CTNNA3: variants seen among roughly 807,000 people sequenced by gnomAD.
CTNNA3 encodes the protein catenin alpha 3.
Under a neutral mutation model 95.7 loss-of-function variants are expected in CTNNA3, and 76 were observed. The ratio of observed to expected loss-of-function variants is 0.79; its 90% confidence interval spans 0.66 to 0.96. The LOEUF (loss-of-function observed/expected upper bound fraction) is 0.96, where lower values mean the gene tolerates loss of function less well. Ranked by LOEUF, CTNNA3 falls within the 40% of genes least tolerant of loss-of-function variation. The pLI is 0.00. For synonymous variants in CTNNA3, 431 were observed against 374.4 expected (o/e 1.15, Z -1.74); for missense variants, 1,191 against 1,089.8 (o/e 1.09, Z -1.31).
intron 17 of CTNNA3, among the ~76,000 whole-genome samples, chr10:65,932,173 TC>T (rs1273552676): frequency 6.6e-6 from 1 of 152,150 alleles, no homozygotes; most frequent in Non-Finnish European, 1.5e-5. Flanking sequence ...TGTTTTCTCC[TC>T]TGTTAAATGG....
chr10:67,591,075 G>C (rs1433583137), intron 3 of CTNNA3, among the ~76,000 whole-genome samples: 2 of 151,986 alleles, frequency 1.3e-5, no homozygotes, highest in Non-Finnish European at 2.9e-5. Context: ...TTTGTCTATA[G>C]TTATGAGAAG....
chr10:67,307,487 G>T (rs1354060812), intron 5 of CTNNA3, among the ~76,000 whole-genome samples: 1 of 152,124 alleles, frequency 6.6e-6, no homozygotes, highest in Non-Finnish European at 1.5e-5. Context: ...TGTTTGTTTG[G>T]TTGGTTGGTT....
At chr10:66,185,972 G>A (rs556815545) in intron 13 of CTNNA3, among the ~76,000 whole-genome samples, 5 of 151,520 alleles carry the variant, frequency 3.3e-5, no homozygotes, top group Admixed American at 2.6e-4. Context: ...TATATACACG[G>A]ATATGTACAC....
chr10:66,936,777 C>G (rs1012647296), intron 7 of CTNNA3, among the ~76,000 whole-genome samples: 1 of 152,116 alleles, frequency 6.6e-6, no homozygotes, highest in African/African-American at 2.4e-5. Flanking sequence ...GTGCCCAGAG[C>G]TTTCTTGGTT....
chr10:66,035,955 C>A (rs2079554535), intron 15 of CTNNA3, among the ~76,000 whole-genome samples: 1 of 152,100 alleles, frequency 6.6e-6, no homozygotes, highest in African/African-American at 2.4e-5. Context: ...TTTTCTTTAT[C>A]TTTTACTTTA....
Position 66,782,390 on chromosome 10 carries a change from C to G in CTNNA3, c.1048-6866G>C, listed in dbSNP as rs193054703. ...AACACCAGCCTTGTCCTGGAATGCC[C>G]CCATCTCTTCTTGTTCAACAGGAAA... On this transcript the variant is annotated intron_variant, in intron 7 of 17. Coordinates refer to ENST00000433211, the MANE Select transcript of CTNNA3 (RefSeq NM_013266.4). Among the ~76,000 whole-genome samples the G allele has an allele frequency of 1.1e-3, 166 of 152,166 alleles. 1 individual carries two copies. The highest frequency in any genetic ancestry group is 3.8e-3 in the African/African-American group (157 of 41,524).
chr10:67,704,609 C>T (rs1428264005), intron 1 of CTNNA3, among the ~76,000 whole-genome samples: 6 of 152,138 alleles, frequency 3.9e-5, no homozygotes, highest in African/African-American at 1.4e-4. Context: ...TTCCTTACAC[C>T]TTATACAAAA....
chr10:66,615,819 T>A (rs1047833924), intron 10 of CTNNA3, among the ~76,000 whole-genome samples: 3 of 152,000 alleles, frequency 2.0e-5, no homozygotes, highest in African/African-American at 7.2e-5. Context: ...CCCATGTGCT[T>A]TTGATGTGCA....
intron 9 of CTNNA3, among the ~76,000 whole-genome samples, chr10:66,702,785 G>A (rs10997318): frequency 0.17 from 25,708 of 149,744 alleles, 2,746 homozygotes; most frequent in East Asian, 0.33. Context: ...CGTCGTTGTC[G>A]TCGTCTCTCT....
chr10:66,192,293 T>C (rs149437967), intron 13 of CTNNA3, among the ~76,000 whole-genome samples: 143 of 152,294 alleles, frequency 9.4e-4, no homozygotes, highest in African/African-American at 3.2e-3. Flanking sequence ...TTAAATATTT[T>C]CTATAGGTTG....
At chr10:67,671,138 G>A (rs1467509497) in intron 1 of CTNNA3, among the ~76,000 whole-genome samples, 1 of 152,074 alleles carries the variant, frequency 6.6e-6, no homozygotes, top group African/African-American at 2.4e-5. Flanking sequence ...TTGCAACTCA[G>A]AATGGCATGT....
intron 7 of CTNNA3, among the ~76,000 whole-genome samples, chr10:67,006,021 T>G (rs774462738): frequency 2.0e-5 from 3 of 152,054 alleles, no homozygotes; most frequent in Non-Finnish European, 4.4e-5. Flanking sequence ...ATTTTGAAAT[T>G]ATTCAGCATC....
chr10:66,203,292 T>C (rs1241376282), intron 13 of CTNNA3, among the ~76,000 whole-genome samples: 1 of 152,140 alleles, frequency 6.6e-6, no homozygotes, highest in African/African-American at 2.4e-5. Flanking sequence ...AAAGACTAAA[T>C]GAATTTCATT....
At chr10:66,563,623 G>C (rs79831596) in intron 10 of CTNNA3, among the ~76,000 whole-genome samples, 7,640 of 151,986 alleles carry the variant, frequency 0.05, 245 homozygotes, top group African/African-American at 0.075. Context: ...ACCCTCCTCC[G>C]ATTCTATTCC....
chr10:66,194,019 CAT>C (rs2086820681), intron 13 of CTNNA3, among the ~76,000 whole-genome samples: 3 of 152,096 alleles, frequency 2.0e-5, no homozygotes, highest in Admixed American at 2.0e-4. Context: ...TAAATTTAAA[CAT>C]AGCATATTCT....
intron 13 of CTNNA3, among the ~76,000 whole-genome samples, chr10:66,211,821 G>A (rs569085285): frequency 3.3e-4 from 50 of 152,198 alleles, no homozygotes; most frequent in African/African-American, 1.2e-3. Flanking sequence ...CAATCGGAGG[G>A]ACCCAACAGG....
chr10:67,298,810 C>T lies in CTNNA3; in HGVS notation c.580-78940G>A, dbSNP rs115347797. ...GGAACTATATGTGCAAATAGCATCA[C>T]AACCTACTTAAGTCTGCAAAAATAT... is the stretch of plus-strand genomic sequence containing the variant. On this transcript the variant is annotated intron_variant, in intron 5 of 17. Coordinates refer to ENST00000433211, the MANE Select transcript of CTNNA3 (RefSeq NM_013266.4). Among the ~76,000 whole-genome samples the T allele has an allele frequency of 5.5e-3, 843 of 152,308 alleles. 4 individuals carry two copies. Among genetic ancestry groups the T allele is most frequent in the African/African-American group, 0.019 (803 of 41,554 alleles).
At chr10:67,641,211 C>T (rs1285182789) in intron 2 of CTNNA3, among the ~76,000 whole-genome samples, 2 of 152,102 alleles carry the variant, frequency 1.3e-5, no homozygotes, top group African/African-American at 4.8e-5. Flanking sequence ...TGAACAGACA[C>T]TTCTCAAAAG....
Position 67,321,448 on chromosome 10 carries a change from T to C in CTNNA3, c.580-101578A>G, listed in dbSNP as rs530310038. 1.4e-4 allele frequency among the ~76,000 whole-genome samples: 21 copies of C among 152,272 alleles called. No homozygotes were observed. In the South Asian group the frequency reaches 4.3e-3, roughly 32 times the overall value. ...TGACTTAAACAGCCCGTATCTTCAG[T>C]CAGGATTCTGCATGATTAAGTGCCA... On this transcript the variant is annotated intron_variant, in intron 5 of 17. Transcript: ENST00000433211.
Sources: gnomAD v4.1 joint callset for allele counts (sites outside exome capture counted in the v4.1 genomes callset) on GRCh38, gnomAD v4.1.1 for gene constraint, MANE v1.5 for transcripts, NCBI Gene and HGNC (gene_info 2026-07-23, HGNC 2026-07-21) for gene names.